Variants in FAM227A observed in about 807,000 individuals in gnomAD.
FAM227A encodes protein FAM227A.
FAM227A carries 80 observed loss-of-function variants against 74.7 expected under a neutral mutation model. That is an observed-to-expected ratio of 1.07 (90% confidence interval 0.89 to 1.29). The LOEUF is 1.29. Ranked by LOEUF, FAM227A falls within the 50% of genes most tolerant of loss-of-function variation. The pLI is 0.00. For synonymous variants in FAM227A, 237 were observed against 241.8 expected, an observed-to-expected ratio of 0.98 and a Z score of 0.19; for missense variants, 654 against 683.4, an observed-to-expected ratio of 0.96 and a Z score of 0.48.
chr22:38,600,525 A>G lies in FAM227A; in HGVS notation c.1222-604T>C, dbSNP rs184019467. Among the ~76,000 whole-genome samples, 95 of 151,638 alleles carry G rather than the reference A, an allele frequency of 6.3e-4. 1 individual carries two copies. The highest frequency in any genetic ancestry group is 2.1e-3 in the African/African-American group (85 of 41,404). ...GCTAATTTTTGTATTTTTAGTAGAG[A>G]CAGGGTTTCACCACGTTGGCCAGGC... On this transcript the variant is annotated intron_variant, in intron 13 of 16. Coordinates refer to ENST00000535113, the MANE Select transcript of FAM227A (RefSeq NM_001013647.2).
rs183758094 is a variant in FAM227A at position 38,631,242 on chromosome 22, A to G, written c.520-2307T>C. On this transcript the variant is annotated intron_variant, in intron 6 of 16. Transcript: ENST00000535113. ...ATGATATCGTGTCCTTTGCAGCAAC[A>G]TAGATGGAGCTGGAGGCACTATCCT... Among the ~76,000 whole-genome samples, 8 of 152,072 alleles carry G rather than the reference A, an allele frequency of 5.3e-5. No individual in the cohort carries two copies. The East Asian group carries it at 1.4e-3, about 26-fold the overall frequency.
chr22:38,623,097 C>T, intron 10 of FAM227A, 75 bp downstream of exon 10: 1 of 1,041,074 alleles, frequency 9.6e-7, no homozygotes, highest in Non-Finnish European at 1.4e-6. Flanking sequence ...ATGCTAAGGC[C>T]TCTCCTCCCT....
In FAM227A at chr22:38,591,447, G is replaced by C; in HGVS notation, c.1626C>G (p.Asp542Glu). 3.9e-6 allele frequency: 6 copies of C among 1,551,064 alleles called. No homozygotes were observed. Among genetic ancestry groups the C allele is most frequent in the Non-Finnish European group, 5.2e-6 (6 of 1,146,702 alleles). Residue 542 changes from aspartate to glutamate, a missense_variant, in exon 16 of 17, where the codon GAC (aspartate) becomes GAG (glutamate). Coordinates refer to ENST00000535113, the MANE Select transcript of FAM227A (RefSeq NM_001013647.2). ...PPSAVNEESPDKKTKEGKGGE... is the reference protein window; with the variant it reads ...PPSAVNEESPEKKTKEGKGGE... ...TTTGGAGACTTCCCTTAGTTTTCTT[G>C]TCAGGTGATTCCTCATTGACGGCTG...
intron 11 of FAM227A, among the ~76,000 whole-genome samples, chr22:38,610,702 AAAC>A (rs1217329974): frequency 6.6e-6 from 1 of 151,922 alleles, no homozygotes; most frequent in African/African-American, 2.4e-5. Context: ...TCTCAAAAAT[AAAC>A]AATAACAAAA....
At chr22:38,618,809 G>C (rs2091628383) in intron 11 of FAM227A, among the ~76,000 whole-genome samples, 1 of 152,128 alleles carries the variant, frequency 6.6e-6, no homozygotes, top group Non-Finnish European at 1.5e-5. Context: ...TCTATCGCAA[G>C]TACTCAACTC....
At chr22:38,629,184 A>T (rs1254092351) in intron 6 of FAM227A, among the ~76,000 whole-genome samples, 2 of 152,066 alleles carry the variant, frequency 1.3e-5, no homozygotes, top group East Asian at 3.8e-4. Flanking sequence ...ACAAATCTAG[A>T]CTCTGGACAG....
chr22:38,641,040 T>C lies in FAM227A; in HGVS notation c.226-1316A>G, dbSNP rs147114225. ...ATGGGTATGAGTCACTGTAGCAATA[T>C]AGCAATATCTCTGATCTTTACCAAT... On this transcript the variant is annotated intron_variant, in intron 3 of 16. Transcript: ENST00000535113. 3.4e-3 allele frequency among the ~76,000 whole-genome samples: 515 copies of C among 152,268 alleles called. 1 individual carries two copies. The highest frequency in any genetic ancestry group is 6.7e-3 in the Non-Finnish European group (456 of 68,018).
chr22:38,644,558 GATAC>G (rs1487621848), intron 3 of FAM227A, among the ~76,000 whole-genome samples: 1 of 152,096 alleles, frequency 6.6e-6, no homozygotes, highest in Non-Finnish European at 1.5e-5. Flanking sequence ...TACAATGGTA[GATAC>G]ATGTCATCAT....
intron 10 of FAM227A, 97 bp downstream of exon 10, chr22:38,623,075 C>T (rs2091724970): frequency 1.2e-6 from 1 of 834,462 alleles, no homozygotes. Flanking sequence ...AGAACTTGAC[C>T]TGAGGACATC....
intron 6 of FAM227A, among the ~76,000 whole-genome samples, chr22:38,634,510 C>T (rs906796775): frequency 6.6e-6 from 1 of 152,160 alleles, no homozygotes; most frequent in Non-Finnish European, 1.5e-5. Context: ...CATGCATTAT[C>T]TTATTTATTT....
chr22:38,653,741 A>G (rs1160428562), intron 1 of FAM227A: 1 of 152,220 alleles, frequency 6.6e-6, no homozygotes, highest in Admixed American at 6.6e-5. Flanking sequence ...ATTGTCTTCC[A>G]TGAAACTGGT....
chr22:38,639,851 C>A, intron 3 of FAM227A, 127 bp from the exon 4 acceptor site: 2 of 691,180 alleles, frequency 2.9e-6, no homozygotes, highest in Non-Finnish European at 2.6e-6. Context: ...GTGGACAGTG[C>A]CTTGTCTTTC....
chr22:38,621,415 T>C (rs1347063185), intron 10 of FAM227A, among the ~76,000 whole-genome samples: 1 of 147,030 alleles, frequency 6.8e-6, no homozygotes, highest in Non-Finnish European at 1.5e-5. Context: ...TGAGTGTGCA[T>C]GATGACTACA....
intron 6 of FAM227A, among the ~76,000 whole-genome samples, chr22:38,636,126 G>GAAAA (rs1569229874): frequency 2.2e-5 from 3 of 138,798 alleles, no homozygotes; most frequent in African/African-American, 5.5e-5. Context: ...AAAGAAAAAA[G>GAAAA]AGAGATTAAG....
rs373130864 is a variant in FAM227A at position 38,597,323 on chromosome 22, G to A, written c.1413C>T (p.Ser471=). The change falls in exon 15 of 17, where the codon AGC becomes AGT. Residue 471 remains serine (S), a synonymous_variant. Transcript: ENST00000535113. Reference sequence around the variant, plus strand: ...GCTTCTTCATGCTGCACAGGGTCTCGCTGATGACATCAGTATACGTTGGGG... The same window carrying A: ...GCTTCTTCATGCTGCACAGGGTCTCACTGATGACATCAGTATACGTTGGGG... ...DCTPTYTDVI[S]ETLCSMKKRK... 10 of 1,551,644 alleles carry A rather than the reference G, an allele frequency of 6.4e-6. No homozygotes were observed. The highest frequency in any genetic ancestry group is 8.7e-6 in the Non-Finnish European group (10 of 1,146,992).
At chr22:38,643,786 G>A (rs1026034941) in intron 3 of FAM227A, among the ~76,000 whole-genome samples, 72 of 152,230 alleles carry the variant, frequency 4.7e-4, no homozygotes, top group African/African-American at 1.7e-3. Flanking sequence ...ACCATGGTAC[G>A]TTCAGACAAT....
intron 6 of FAM227A, among the ~76,000 whole-genome samples, chr22:38,630,179 G>C (rs555350396): frequency 1.3e-5 from 2 of 152,194 alleles, no homozygotes; most frequent in Non-Finnish European, 2.9e-5. Flanking sequence ...ACACACAGGT[G>C]CCTCTCCTTT....
In FAM227A at chr22:38,645,543, C is replaced by A. The variant is rs1373489744; in HGVS notation, c.225+20G>T. ...TTCCCTGTCAGAAGCTTTGTCTCAGCTCCAGCATAGGTAACTCACCAGGCT... is the reference window on the plus strand; with the variant it reads ...TTCCCTGTCAGAAGCTTTGTCTCAGATCCAGCATAGGTAACTCACCAGGCT... On this transcript the variant is annotated intron_variant, in intron 3 of 16. Transcript: ENST00000535113. 1.9e-6 allele frequency: 3 copies of A among 1,538,882 alleles called. No homozygotes were observed. The highest frequency in any genetic ancestry group is 2.4e-5 in the South Asian group (2 of 83,706).
rs569501324 is a variant in FAM227A, at chr22:38,617,125, C to G, written c.1038+3087G>C. 4.6e-5 allele frequency among the ~76,000 whole-genome samples: 7 copies of G among 152,140 alleles called. No individual in the cohort carries two copies. In the South Asian group the frequency reaches 1.5e-3, roughly 32 times the overall value. On this transcript the variant is annotated intron_variant, in intron 11 of 16. Transcript: ENST00000535113. The stretch of plus-strand genomic sequence containing the variant: ...AGGGCAGTACAGTGGTGCGGCCAGG[C>G]AGCACTGAGTGCCCTTCTGAGCTGT...
Sources: allele counts gnomAD v4.1 joint callset (sites outside exome capture counted in the v4.1 genomes callset), GRCh38; gene constraint gnomAD v4.1.1; transcripts MANE v1.5; gene names NCBI Gene and HGNC (gene_info 2026-07-23, HGNC 2026-07-21).